SYT6: variants seen among roughly 807,000 people sequenced by gnomAD.
The protein encoded by SYT6 is synaptotagmin 6, also known as synaptotagmin-6.
In SYT6, 24 loss-of-function variants were observed where a neutral mutation model predicts 38.4. That is an observed-to-expected ratio of 0.62 (90% CI 0.45 to 0.88). SYT6 has a LOEUF of 0.88. Ranked by LOEUF, SYT6 falls within the 40% of genes least tolerant of loss-of-function variation. The pLI is 0.00. For missense variants in SYT6, 611 were observed against 621.0 expected (o/e 0.98, Z 0.17); for synonymous variants, 265 against 241.9 (o/e 1.10, Z -0.89).
intron 3 of SYT6, among the ~76,000 whole-genome samples, chr1:114,108,867 A>G (rs1389304008): frequency 1.3e-5 from 2 of 152,210 alleles, no homozygotes; most frequent in Non-Finnish European, 2.9e-5. Context: ...CTAGTCTCTT[A>G]GTCATTAAGT....
At chr1:114,107,089 A>G (rs12040526) in intron 3 of SYT6, among the ~76,000 whole-genome samples, 14,614 of 152,232 alleles carry the variant, frequency 0.096, 1,499 homozygotes, top group East Asian at 0.33. Flanking sequence ...ACAAAAGGCC[A>G]CTGTCACCAT....
chr1:114,092,162 C>A, intron 7 of SYT6, 80 bp from the exon 8 acceptor site: 2 of 1,305,736 alleles, frequency 1.5e-6, no homozygotes, highest in Non-Finnish European at 2.1e-6. Flanking sequence ...TGGCCCAATG[C>A]ACTGAATTCA....
chr1:114,103,817 G>A lies in SYT6; in HGVS notation c.1072-96C>T, dbSNP rs1676108480. 4.1e-6 allele frequency: 6 copies of A among 1,454,044 alleles called. No homozygotes were observed. The South Asian group carries it at 8.1e-5, about 20-fold the overall frequency. 90.1% of individuals were successfully genotyped at this position (1,454,044 alleles called of 1,614,324 possible). A position where few individuals can be genotyped will look rare whatever the true frequency, so the allele number is the denominator to read the frequency against. ...TGCTGGGGCGCTCTGGGGTCAGGAG[G>A]AGGCTCTTGGAGACACTGTGCTGTG... On this transcript the variant is annotated intron_variant, in intron 3 of 7. Coordinates refer to ENST00000610222, the MANE Select transcript of SYT6 (RefSeq NM_001253772.2).
rs924249268 is a variant in SYT6, at chr1:114,092,059, G to A, written c.*75C>T. On this transcript the variant is annotated 3_prime_UTR_variant, in exon 8 of 8. Transcript: ENST00000610222. ...GAGATGGGCACGAGCTCTCACTGTCGAAGCTAGCAGCTCGGCCCTGCCACT... is the reference window on the plus strand; with the variant it reads ...GAGATGGGCACGAGCTCTCACTGTCAAAGCTAGCAGCTCGGCCCTGCCACT... 2.4e-5 allele frequency: 37 copies of A among 1,536,162 alleles called. No homozygotes were observed. In the Middle Eastern group the frequency reaches 5.0e-4, roughly 21 times the overall value.
At chr1:114,129,564 TTTTCTTTCTTTCTTTCTTTCTTTCTTTC>T in intron 3 of SYT6, among the ~76,000 whole-genome samples, 1 of 113,034 alleles carries the variant, frequency 8.8e-6, no homozygotes, top group African/African-American at 3.5e-5. Flanking sequence ...TTTTTCTTTC[TTTTCTTTCTTTCTTTCTTTCTTTCTTTC>T]TTTCTTTCTT....
chr1:114,092,367 TGA>T (rs1470339800), intron 7 of SYT6, among the ~76,000 whole-genome samples: 3 of 150,642 alleles, frequency 2.0e-5, no homozygotes, highest in Non-Finnish European at 3.0e-5. Flanking sequence ...TGTGTGTGTG[TGA>T]GAATGAGGTG....
intron 7 of SYT6, 87 bp from the exon 8 acceptor site, chr1:114,092,169 T>G: frequency 7.9e-7 from 1 of 1,257,992 alleles, no homozygotes; most frequent in South Asian, 1.4e-5. Flanking sequence ...ATGCACTGAA[T>G]TCACCTTTCC....
In SYT6 at chr1:114,090,812, C is replaced by CACAGAA. The variant is rs1180805003; in HGVS notation, c.*1321_*1322insTTCTGT. 4.6e-5 allele frequency: 7 copies of CACAGAA among 152,468 alleles called. No individual in the cohort carries two copies. Among genetic ancestry groups the CACAGAA allele is most frequent in the African/African-American group, 1.7e-4 (7 of 41,410 alleles). The allele number at this position is 152,468 out of a possible 1,614,324, so 9.4% of individuals were successfully genotyped here. ...CCACTATTAACTCAACAGAAATGTGCTATTACAACACAGAATAGTTCAAAC... is the reference window on the plus strand; with the variant it reads ...CCACTATTAACTCAACAGAAATGTGCACAGAATATTACAACACAGAATAGTTCAAAC... On this transcript the variant is annotated 3_prime_UTR_variant, in exon 8 of 8. Coordinates refer to ENST00000610222, the MANE Select transcript of SYT6 (RefSeq NM_001253772.2).
chr1:114,132,473 G>A (rs1340225603), intron 3 of SYT6, among the ~76,000 whole-genome samples: 2 of 152,194 alleles, frequency 1.3e-5, no homozygotes, highest in Non-Finnish European at 2.9e-5. Flanking sequence ...GGGTAGCTCT[G>A]TTCTGTGAAA....
intron 4 of SYT6, among the ~76,000 whole-genome samples, chr1:114,101,000 C>A (rs1261482959): frequency 1.3e-5 from 2 of 152,126 alleles, no homozygotes; most frequent in East Asian, 1.9e-4. Flanking sequence ...GTCCCATGGG[C>A]CACTGAGCAA....
intron 4 of SYT6, among the ~76,000 whole-genome samples, chr1:114,100,505 C>G (rs1675902300): frequency 1.3e-5 from 2 of 152,206 alleles, no homozygotes; most frequent in Admixed American, 1.3e-4. Flanking sequence ...AAACTCCAAG[C>G]CTGAAAGGCA....
chr1:114,127,937 C>T (rs1161868460), intron 3 of SYT6, among the ~76,000 whole-genome samples: 4 of 152,238 alleles, frequency 2.6e-5, no homozygotes, highest in Non-Finnish European at 5.9e-5. Context: ...GAGCAGCAAA[C>T]ACACAAGGGA....
chr1:114,136,789 T>C lies in SYT6; in HGVS notation c.1071+706A>G, dbSNP rs139420752. ...AGCAAAGGGACTCTGCTGTGTGTCG[T>C]CATTCGTGCTGTTCATTACATATGT... On this transcript the variant is annotated intron_variant, in intron 3 of 7. Transcript: ENST00000610222. Among the ~76,000 whole-genome samples, 488 of 152,300 alleles carry C rather than the reference T, an allele frequency of 3.2e-3. 2 individuals carry two copies. The highest frequency in any genetic ancestry group is 0.011 in the African/African-American group (470 of 41,556).
chr1:114,090,155 C>T lies in SYT6; in HGVS notation c.*1979G>A, dbSNP rs1056488060. 6.6e-6 allele frequency: 1 copy of T among 152,344 alleles called. No individual in the cohort carries two copies. Among genetic ancestry groups the T allele is most frequent in the African/African-American group, 2.4e-5 (1 of 41,428 alleles). 9.4% of individuals were successfully genotyped at this position (152,344 alleles called of 1,614,324 possible). On this transcript the variant is annotated 3_prime_UTR_variant, in exon 8 of 8. Coordinates refer to ENST00000610222, the MANE Select transcript of SYT6 (RefSeq NM_001253772.2). ...AGCATCTGTTCACTGACGGAAACGACTATCTTGATGGGGTCAGTCTAGAGT... is the reference window on the plus strand; with the variant it reads ...AGCATCTGTTCACTGACGGAAACGATTATCTTGATGGGGTCAGTCTAGAGT...
rs1384282985 is a variant in SYT6, at chr1:114,153,594, C to T, written c.163+16G>A. The T allele has an allele frequency of 1.7e-6, 1 of 589,022 alleles. No individual in the cohort carries two copies. The highest frequency in any genetic ancestry group is 3.0e-6 in the Non-Finnish European group (1 of 328,674). 36.5% of individuals were successfully genotyped at this position (589,022 alleles called of 1,614,324 possible). A position where few individuals can be genotyped will look rare whatever the true frequency, so the allele number is the denominator to read the frequency against. On this transcript the variant is annotated intron_variant, in intron 1 of 7. Transcript: ENST00000610222. ...CGGATATCCAGGAAGGGAGGGGGCC[C>T]TGGGTCTCCCGTTACCTGCGCCTGC...
intron 3 of SYT6, among the ~76,000 whole-genome samples, chr1:114,133,757 C>A (rs1277903616): frequency 1.3e-5 from 2 of 152,222 alleles, no homozygotes; most frequent in Non-Finnish European, 2.9e-5. Context: ...GGCTCTCCAG[C>A]CAGTGGGGCA....
intron 3 of SYT6, among the ~76,000 whole-genome samples, chr1:114,130,351 T>G (rs1005648172): frequency 1.4e-4 from 21 of 152,246 alleles, no homozygotes; most frequent in African/African-American, 4.8e-4. Context: ...GCTTGGCACT[T>G]AGCAGATGCT....
intron 6 of SYT6, among the ~76,000 whole-genome samples, chr1:114,094,294 A>T (rs1472776051): frequency 1.3e-5 from 2 of 152,226 alleles, no homozygotes; most frequent in Non-Finnish European, 2.9e-5. Context: ...TGTCCCCAGC[A>T]CACAGGGAGA....
At chr1:114,101,475 AC>A (rs1329288194) in intron 4 of SYT6, among the ~76,000 whole-genome samples, 3 of 152,052 alleles carry the variant, frequency 2.0e-5, no homozygotes, top group South Asian at 2.1e-4. Flanking sequence ...TGTGCTCACC[AC>A]CCCTTTGTAG....
Sources: allele counts gnomAD v4.1 joint callset (sites outside exome capture counted in the v4.1 genomes callset), GRCh38; gene constraint gnomAD v4.1.1; transcripts MANE v1.5; gene names NCBI Gene and HGNC (gene_info 2026-07-23, HGNC 2026-07-21).